The following COL8A1 variants were observed in gnomAD, a reference collection of about 807,000 sequenced individuals.
COL8A1 encodes the protein collagen alpha-1(VIII) chain.
In COL8A1, 21 loss-of-function variants were observed where a neutral mutation model predicts 42.7. The ratio of observed to expected loss-of-function variants is 0.49; its 90% CI spans 0.35 to 0.71. The LOEUF is 0.71. Ranked by LOEUF, COL8A1 falls within the 30% of genes least tolerant of loss-of-function variation. COL8A1 has a pLI of 0.01. For synonymous variants in COL8A1, 367 were observed against 369.1 expected, an observed-to-expected ratio of 0.99 and a Z score of 0.06; for missense variants, 788 against 962.4, an observed-to-expected ratio of 0.82 and a Z score of 2.40.
At chr3:99,667,168 C>T (rs1050265482) in intron 1 of COL8A1, among the ~76,000 whole-genome samples, 2 of 152,142 alleles carry the variant, frequency 1.3e-5, no homozygotes, top group Non-Finnish European at 2.9e-5. Flanking sequence ...TAGTTCTTAA[C>T]TCCTACAGTT....
intron 1 of COL8A1, among the ~76,000 whole-genome samples, chr3:99,668,690 GCAGATGATTTCCTTTCTGCAAATC>G (rs1310069604): frequency 6.6e-6 from 1 of 151,912 alleles, no homozygotes; most frequent in Non-Finnish European, 1.5e-5. Flanking sequence ...AAAGTTGGTG[GCAGATGATTTCCTTTCTGCAAATC>G]CAGTGAACTT....
chr3:99,764,525 G>A (rs1033055997), intron 2 of COL8A1, among the ~76,000 whole-genome samples: 2 of 152,098 alleles, frequency 1.3e-5, no homozygotes, highest in Non-Finnish European at 2.9e-5. Context: ...GTAGTTAAGT[G>A]CTTAGAACCT....
At chr3:99,737,989 C>A (rs1279677000) in intron 1 of COL8A1, among the ~76,000 whole-genome samples, 1 of 151,936 alleles carries the variant, frequency 6.6e-6, no homozygotes, top group Non-Finnish European at 1.5e-5. Context: ...TCTTCCATTG[C>A]TGATACCCTT....
In COL8A1 at chr3:99,718,145, C is replaced by G. The variant is rs577274952; in HGVS notation, c.-128-26752C>G. Reference sequence around the variant, plus strand: ...AATCAAATTCCCTTTCTTCTGAGCACCTGTAGTCCCCAAGACTAGTCCACA... The same window carrying G: ...AATCAAATTCCCTTTCTTCTGAGCAGCTGTAGTCCCCAAGACTAGTCCACA... On this transcript the variant is annotated intron_variant, in intron 1 of 3. Coordinates refer to ENST00000652472, the MANE Select transcript of COL8A1 (RefSeq NM_020351.4). Among the ~76,000 whole-genome samples, 398 of 152,100 alleles carry G rather than the reference C, an allele frequency of 2.6e-3. 1 individual carries two copies. The highest frequency in any genetic ancestry group is 4.9e-3 in the Non-Finnish European group (335 of 67,940).
intron 1 of COL8A1, among the ~76,000 whole-genome samples, chr3:99,690,770 G>A (rs973979084): frequency 6.6e-6 from 1 of 152,200 alleles, no homozygotes; most frequent in East Asian, 1.9e-4. Flanking sequence ...CACCTGAGGA[G>A]CATGAATGGA....
chr3:99,694,544 C>T (rs1457599295), intron 1 of COL8A1, among the ~76,000 whole-genome samples: 1 of 152,066 alleles, frequency 6.6e-6, no homozygotes, highest in Non-Finnish European at 1.5e-5. Flanking sequence ...ATCTTTTTCT[C>T]CTCCCTCATA....
intron 1 of COL8A1, among the ~76,000 whole-genome samples, chr3:99,728,247 T>C (rs949976236): frequency 6.6e-6 from 1 of 151,714 alleles, no homozygotes; most frequent in Non-Finnish European, 1.5e-5. Flanking sequence ...AAAACCCCAT[T>C]GTCTCAGCCC....
At chr3:99,737,762 A>G (rs575329915) in intron 1 of COL8A1, among the ~76,000 whole-genome samples, 108 of 152,098 alleles carry the variant, frequency 7.1e-4, no homozygotes, top group Non-Finnish European at 1.3e-3. Context: ...CCTGAATCTG[A>G]ACGTTGGCCT....
chr3:99,777,103 A>C (rs887923884), intron 2 of COL8A1, among the ~76,000 whole-genome samples: 2 of 152,132 alleles, frequency 1.3e-5, no homozygotes, highest in African/African-American at 4.8e-5. Context: ...TCCTGTGACT[A>C]AGAATGCCTT....
At chr3:99,668,949 G>T (rs571848959) in intron 1 of COL8A1, among the ~76,000 whole-genome samples, 2 of 151,360 alleles carry the variant, frequency 1.3e-5, no homozygotes, top group East Asian at 1.9e-4. Context: ...TTATTATATC[G>T]CAGCTTTAGT....
chr3:99,743,113 G>A (rs1245372040), intron 1 of COL8A1, among the ~76,000 whole-genome samples: 1 of 152,122 alleles, frequency 6.6e-6, no homozygotes, highest in Non-Finnish European at 1.5e-5. Flanking sequence ...GTCTGAATCT[G>A]GAGAGTTTTT....
At chr3:99,768,814 T>C (rs111726027) in intron 2 of COL8A1, among the ~76,000 whole-genome samples, 13,208 of 152,276 alleles carry the variant, frequency 0.087, 760 homozygotes, top group East Asian at 0.18. Flanking sequence ...TCATTCCAAC[T>C]GGTACCTTCT....
At chr3:99,690,707 C>T (rs1321212670) in intron 1 of COL8A1, among the ~76,000 whole-genome samples, 1 of 152,124 alleles carries the variant, frequency 6.6e-6, no homozygotes, top group South Asian at 2.1e-4. Context: ...TCATAATGTT[C>T]CACAGAATGT....
intron 2 of COL8A1, among the ~76,000 whole-genome samples, chr3:99,752,697 C>T (rs1224161497): frequency 6.6e-6 from 1 of 151,326 alleles, no homozygotes; most frequent in East Asian, 1.9e-4. Flanking sequence ...CACATGCCCC[C>T]CCACACACAC....
At chr3:99,674,997 A>G (rs1213641985) in intron 1 of COL8A1, among the ~76,000 whole-genome samples, 2 of 152,034 alleles carry the variant, frequency 1.3e-5, no homozygotes, top group Non-Finnish European at 2.9e-5. Flanking sequence ...AGATTCAATG[A>G]CCTCTGCAGT....
At chr3:99,766,079 T>C (rs1242711023) in intron 2 of COL8A1, among the ~76,000 whole-genome samples, 3 of 152,208 alleles carry the variant, frequency 2.0e-5, no homozygotes, top group South Asian at 4.1e-4. Context: ...TAATATCCTA[T>C]TGGATCCTGG....
At chr3:99,782,242 G>A (rs908941773) in intron 2 of COL8A1, among the ~76,000 whole-genome samples, 2 of 152,096 alleles carry the variant, frequency 1.3e-5, no homozygotes, top group Non-Finnish European at 2.9e-5. Flanking sequence ...TTTAAGGGGG[G>A]TAGGGGGTGT....
At chr3:99,673,570 A>T (rs892489708) in intron 1 of COL8A1, among the ~76,000 whole-genome samples, 1 of 152,156 alleles carries the variant, frequency 6.6e-6, no homozygotes, top group African/African-American at 2.4e-5. Context: ...ACATTTACAT[A>T]AAAGTAAATT....
In COL8A1 at chr3:99,795,683, C is replaced by T. The variant is rs377127489; in HGVS notation, c.1782C>T (p.Gly594=). The T allele has an allele frequency of 2.0e-5, 33 of 1,614,024 alleles. No individual in the cohort carries two copies. The highest frequency in any genetic ancestry group is 2.0e-4 in the East Asian group (9 of 44,874). Reference sequence around the variant, plus strand: ...CAGATATGGGGCTGGGAATTGATGGCGTGAAACCCCCCCATGCCTACGGGG... The same window carrying T: ...CAGATATGGGGCTGGGAATTGATGGTGTGAAACCCCCCCATGCCTACGGGG... ...YLPDMGLGID[G]VKPPHAYGAK... Residue 594 remains glycine, a synonymous_variant, in exon 4 of 4, where the codon GGC becomes GGT. Coordinates refer to ENST00000652472, the MANE Select transcript of COL8A1 (RefSeq NM_020351.4).
Sources: allele counts gnomAD v4.1 joint callset (sites outside exome capture counted in the v4.1 genomes callset), GRCh38; gene constraint gnomAD v4.1.1; transcripts MANE v1.5; gene names NCBI Gene and HGNC (gene_info 2026-07-23, HGNC 2026-07-21).